The following KCNH7 variants were observed in gnomAD, a reference collection of about 807,000 sequenced individuals.
The protein encoded by KCNH7 is voltage-gated inwardly rectifying potassium channel KCNH7.
KCNH7 carries 49 observed loss-of-function variants against 120.8 expected under a neutral mutation model. The ratio of observed to expected loss-of-function variants is 0.41; its 90% confidence interval spans 0.32 to 0.51. KCNH7 has a LOEUF of 0.51. Ranked by LOEUF, KCNH7 falls within the 20% of genes least tolerant of loss-of-function variation. The pLI is 0.38. For synonymous variants in KCNH7, 547 were observed against 516.1 expected (o/e 1.06, Z -0.81); for missense variants, 1,097 against 1,446.6 (o/e 0.76, Z 3.92).
intron 3 of KCNH7, chr2:162,528,192 A>C (rs1691780419): frequency 6.6e-6 from 1 of 152,006 alleles, no homozygotes; most frequent in Admixed American, 6.6e-5. Context: ...ACTATTTGCA[A>C]AATATTAGGT....
At chr2:162,417,861 G>A (rs1383373562) in intron 9 of KCNH7, among the ~76,000 whole-genome samples, 2 of 152,124 alleles carry the variant, frequency 1.3e-5, no homozygotes, top group East Asian at 1.9e-4. Flanking sequence ...CATTGTTCAT[G>A]TCAGCGGGCT....
chr2:162,659,617 A>T (rs1684888632), intron 2 of KCNH7, among the ~76,000 whole-genome samples: 1 of 152,204 alleles, frequency 6.6e-6, no homozygotes, highest in South Asian at 2.1e-4. Flanking sequence ...TGCTGGGATT[A>T]CAGGCATGAG....
At chr2:162,466,613 T>C (rs1689313323) in intron 6 of KCNH7, among the ~76,000 whole-genome samples, 1 of 152,156 alleles carries the variant, frequency 6.6e-6, no homozygotes, top group South Asian at 2.1e-4. Flanking sequence ...ATTTGTTGTG[T>C]TTTCCATAGA....
intron 2 of KCNH7, among the ~76,000 whole-genome samples, chr2:162,554,872 C>A (rs1692804761): frequency 6.6e-6 from 1 of 152,186 alleles, no homozygotes; most frequent in Non-Finnish European, 1.5e-5. Context: ...AGGTTTAGGG[C>A]ATGAACCTTT....
intron 9 of KCNH7, among the ~76,000 whole-genome samples, chr2:162,410,473 A>G (rs1040341407): frequency 6.6e-6 from 1 of 151,954 alleles, no homozygotes; most frequent in Non-Finnish European, 1.5e-5. Context: ...AACAATAAAA[A>G]CTCTAGAAGA....
chr2:162,604,540 C>A (rs953707014), intron 2 of KCNH7, among the ~76,000 whole-genome samples: 1 of 152,074 alleles, frequency 6.6e-6, no homozygotes, highest in African/African-American at 2.4e-5. Context: ...TCAGATTTCC[C>A]ATTCCACATA....
chr2:162,812,013 A>G (rs1173497372), intron 2 of KCNH7, among the ~76,000 whole-genome samples: 2 of 152,180 alleles, frequency 1.3e-5, no homozygotes, highest in Non-Finnish European at 2.9e-5. Flanking sequence ...TAGTGTAAAG[A>G]TTGCTTTAGA....
At chr2:162,743,188 T>C (rs1198572073) in intron 2 of KCNH7, among the ~76,000 whole-genome samples, 1 of 152,216 alleles carries the variant, frequency 6.6e-6, no homozygotes, top group Non-Finnish European at 1.5e-5. Context: ...GGTTACCATG[T>C]TAACTTCTGG....
intron 3 of KCNH7, among the ~76,000 whole-genome samples, chr2:162,535,813 C>T (rs535175145): frequency 1.5e-4 from 22 of 151,548 alleles, no homozygotes; most frequent in South Asian, 1.0e-3. Context: ...TGATTCTGAG[C>T]GATAGATAGA....
chr2:162,515,506 T>G (rs1691252857), intron 4 of KCNH7, among the ~76,000 whole-genome samples: 1 of 151,832 alleles, frequency 6.6e-6, no homozygotes, highest in Non-Finnish European at 1.5e-5. Flanking sequence ...ACTATACTAC[T>G]GTTATAAGTC....
chr2:162,787,275 A>C (rs1318920869), intron 2 of KCNH7, among the ~76,000 whole-genome samples: 2 of 152,150 alleles, frequency 1.3e-5, no homozygotes, highest in Non-Finnish European at 2.9e-5. Flanking sequence ...CTCACTCCCC[A>C]GACTCAGGCT....
intron 2 of KCNH7, among the ~76,000 whole-genome samples, chr2:162,801,366 T>A (rs1011485120): frequency 6.6e-6 from 1 of 151,794 alleles, no homozygotes; most frequent in Non-Finnish European, 1.5e-5. Context: ...TGTCTATTTT[T>A]AATTTACACA....
chr2:162,565,968 G>C (rs1242273458), intron 2 of KCNH7, among the ~76,000 whole-genome samples: 1 of 151,876 alleles, frequency 6.6e-6, no homozygotes, highest in East Asian at 1.9e-4. Context: ...ATAGCTATAA[G>C]GTACTTTGTA....
intron 2 of KCNH7, among the ~76,000 whole-genome samples, chr2:162,552,122 G>A (rs1692688321): frequency 6.6e-6 from 1 of 152,180 alleles, no homozygotes; most frequent in South Asian, 2.1e-4. Flanking sequence ...ATTAGACAAT[G>A]ATGATGTTCT....
chr2:162,749,575 C>T (rs1688471022), intron 2 of KCNH7, among the ~76,000 whole-genome samples: 1 of 152,122 alleles, frequency 6.6e-6, no homozygotes, highest in Admixed American at 6.6e-5. Context: ...GTAGCAATGA[C>T]AAGTGCTGGG....
intron 6 of KCNH7, among the ~76,000 whole-genome samples, chr2:162,503,904 C>A (rs543917558): frequency 6.6e-6 from 1 of 152,112 alleles, no homozygotes; most frequent in South Asian, 2.1e-4. Context: ...CATCCTAGTT[C>A]AAGTTGCAGT....
rs575271831 is a variant in KCNH7 at position 162,788,911 on chromosome 2, C to T, written c.307+47626G>A. 9.7e-5 allele frequency among the ~76,000 whole-genome samples: 14 copies of T among 144,224 alleles called. No individual in the cohort carries two copies. The South Asian group carries it at 2.9e-3, about 30-fold the overall frequency. 94.6% of individuals were successfully genotyped at this position (144,224 alleles called of 152,430 possible). ...CAACCTATAACATACAAGGAAACCA[C>T]AATAAGACTATCAGAAGATTTCTCA... On this transcript the variant is annotated intron_variant, in intron 2 of 15. Coordinates refer to ENST00000332142, the MANE Select transcript of KCNH7 (RefSeq NM_033272.4).
intron 2 of KCNH7, among the ~76,000 whole-genome samples, chr2:162,618,153 A>C (rs1036719517): frequency 6.6e-6 from 1 of 152,056 alleles, no homozygotes; most frequent in Non-Finnish European, 1.5e-5. Flanking sequence ...TTTTCTAAAT[A>C]AATACTGCAT....
intron 2 of KCNH7, among the ~76,000 whole-genome samples, chr2:162,718,572 C>T (rs1261344662): frequency 6.6e-6 from 1 of 152,012 alleles, no homozygotes; most frequent in East Asian, 1.9e-4. Context: ...TAATGAGACT[C>T]TCCTTTTCAC....
Sources: allele counts gnomAD v4.1 joint callset (sites outside exome capture counted in the v4.1 genomes callset), GRCh38; gene constraint gnomAD v4.1.1; transcripts MANE v1.5; gene names NCBI Gene and HGNC (gene_info 2026-07-23, HGNC 2026-07-21).